Variants in EFNA5 observed in about 807,000 individuals in gnomAD.
EFNA5 encodes the protein ephrin A5, also known as ephrin-A5.
In EFNA5, 5 loss-of-function variants were observed where a neutral mutation model predicts 22.9. That is an observed-to-expected ratio of 0.22 (90% CI 0.11 to 0.46). The LOEUF (loss-of-function observed/expected upper bound fraction) is 0.46, where lower values mean the gene tolerates loss of function less well. Among genes scored for constraint, EFNA5 ranks in the 20% least tolerant of loss-of-function variants. The pLI is 0.99. For missense variants in EFNA5, 237 were observed against 293.3 expected (o/e 0.81, Z 1.40); for synonymous variants, 113 against 112.2 (o/e 1.01, Z -0.04).
intron 1 of EFNA5, among the ~76,000 whole-genome samples, chr5:107,502,117 T>C (rs1747150328): frequency 6.6e-6 from 1 of 152,218 alleles, no homozygotes; most frequent in South Asian, 2.1e-4. Context: ...TCACCCAACG[T>C]AGGGCAGAAA....
intron 1 of EFNA5, among the ~76,000 whole-genome samples, chr5:107,595,861 A>C (rs1561444490): frequency 6.6e-6 from 1 of 152,222 alleles, no homozygotes; most frequent in African/African-American, 2.4e-5. Flanking sequence ...AGGCATCTAC[A>C]TACCCAATAA....
At chr5:107,543,298 TTTCAAAGCAACTTC>T (rs755834759) in intron 1 of EFNA5, among the ~76,000 whole-genome samples, 1 of 152,202 alleles carries the variant, frequency 6.6e-6, no homozygotes, top group Non-Finnish European at 1.5e-5. Flanking sequence ...CACAAAAGAT[TTTCAAAGCAACTTC>T]TTCAAAGGCC....
In EFNA5 at chr5:107,670,679, G is replaced by A. The variant is rs1461215741; in HGVS notation, c.-66C>T. On this transcript the variant is annotated 5_prime_UTR_variant, in exon 1 of 5. Coordinates refer to ENST00000333274, the MANE Select transcript of EFNA5 (RefSeq NM_001962.3). ...GGGAGAGAGCGGGGATCCGGAGGGAGGGAGGCAGGCAAAGGGACAGAGAGA... is the reference window on the plus strand; with the variant it reads ...GGGAGAGAGCGGGGATCCGGAGGGAAGGAGGCAGGCAAAGGGACAGAGAGA... 3 of 1,564,138 alleles carry A rather than the reference G, an allele frequency of 1.9e-6. No homozygotes were observed. Among genetic ancestry groups the A allele is most frequent in the Non-Finnish European group, 2.6e-6 (3 of 1,155,840 alleles).
chr5:107,391,445 C>A (rs1643534335), intron 2 of EFNA5, among the ~76,000 whole-genome samples: 1 of 152,032 alleles, frequency 6.6e-6, no homozygotes, highest in Admixed American at 6.6e-5. Flanking sequence ...GCAACTGGGA[C>A]AGAAGACATT....
chr5:107,429,873 T>C lies in EFNA5; in HGVS notation c.126-2364A>G, dbSNP rs1748903094. ...AAAAATAATATGTATATTTCCCCTTTTAAAAATCCAAAAGGAAAATCATAT... is the reference window on the plus strand; with the variant it reads ...AAAAATAATATGTATATTTCCCCTTCTAAAAATCCAAAAGGAAAATCATAT... On this transcript the variant is annotated intron_variant, in intron 1 of 4. Transcript: ENST00000333274. Among the ~76,000 whole-genome samples the C allele has an allele frequency of 2.0e-5, 3 of 152,214 alleles. No homozygotes were observed. In the South Asian group the frequency reaches 6.2e-4, roughly 31 times the overall value.
At chr5:107,486,981 A>G (rs1380117997) in intron 1 of EFNA5, among the ~76,000 whole-genome samples, 1 of 152,142 alleles carries the variant, frequency 6.6e-6, no homozygotes, top group Non-Finnish European at 1.5e-5. Flanking sequence ...TTGCTGCTAG[A>G]GCATTCTAAG....
At chr5:107,622,407 G>T (rs7703820) in intron 1 of EFNA5, among the ~76,000 whole-genome samples, 51,361 of 152,030 alleles carry the variant, frequency 0.34, 10,154 homozygotes, top group South Asian at 0.56. Context: ...TTGAGTATGG[G>T]TATTAAAACC....
chr5:107,644,970 G>A (rs1017585180), intron 1 of EFNA5, among the ~76,000 whole-genome samples: 1 of 152,094 alleles, frequency 6.6e-6, no homozygotes, highest in Non-Finnish European at 1.5e-5. Flanking sequence ...CAAAGTGCTG[G>A]GATTACAGGC....
rs1281311346 is a variant in EFNA5 at position 107,378,832 on chromosome 5, G to T, written c.*2423C>A. 1.3e-5 allele frequency: 2 copies of T among 152,082 alleles called. No homozygotes were observed. The highest frequency in any genetic ancestry group is 2.9e-5 in the Non-Finnish European group (2 of 68,020). The allele number at this position is 152,082 out of a possible 1,614,324, so 9.4% of individuals were successfully genotyped here. On this transcript the variant is annotated 3_prime_UTR_variant, in exon 5 of 5. Coordinates refer to ENST00000333274, the MANE Select transcript of EFNA5 (RefSeq NM_001962.3). Reference sequence around the variant, plus strand: ...CCATTTCTAAAATGCATTTAGCACTGCTAACATAGTTATGACTAACTGGAA... The same window carrying T: ...CCATTTCTAAAATGCATTTAGCACTTCTAACATAGTTATGACTAACTGGAA...
At chr5:107,525,180 C>T (rs1443798348) in intron 1 of EFNA5, among the ~76,000 whole-genome samples, 1 of 152,060 alleles carries the variant, frequency 6.6e-6, no homozygotes, top group Non-Finnish European at 1.5e-5. Context: ...TTACAACTTT[C>T]AAGGATTATG....
intron 1 of EFNA5, among the ~76,000 whole-genome samples, chr5:107,659,908 T>C (rs1343589849): frequency 1.3e-5 from 2 of 151,956 alleles, no homozygotes; most frequent in Non-Finnish European, 2.9e-5. Context: ...TAATAGTCCT[T>C]TCTACATTTT....
intron 1 of EFNA5, among the ~76,000 whole-genome samples, chr5:107,641,139 C>T (rs539696189): frequency 1.3e-5 from 2 of 152,196 alleles, no homozygotes; most frequent in Non-Finnish European, 2.9e-5. Context: ...AGGTGGATTG[C>T]TTGAGGTCAG....
intron 1 of EFNA5, among the ~76,000 whole-genome samples, chr5:107,467,224 C>T (rs152576): frequency 0.018 from 2,682 of 152,182 alleles, 35 homozygotes; most frequent in Admixed American, 0.034. Context: ...ATACCTAGAC[C>T]TTTAGCAGTG....
chr5:107,643,721 G>C (rs529245815), intron 1 of EFNA5, among the ~76,000 whole-genome samples: 8 of 152,056 alleles, frequency 5.3e-5, no homozygotes, highest in Admixed American at 2.0e-4. Context: ...GACCAGAAGA[G>C]AGAAGAATTT....
At chr5:107,558,585 A>T (rs1478447351) in intron 1 of EFNA5, among the ~76,000 whole-genome samples, 1 of 152,192 alleles carries the variant, frequency 6.6e-6, no homozygotes, top group East Asian at 1.9e-4. Flanking sequence ...TTTAGATTTG[A>T]AGCCACTCAA....
chr5:107,558,265 G>GT (rs375512073), intron 1 of EFNA5, among the ~76,000 whole-genome samples: 2,046 of 147,426 alleles, frequency 0.014, 33 homozygotes, highest in African/African-American at 0.038. Flanking sequence ...AGATTATACT[G>GT]TTTTTTTTTT....
chr5:107,602,854 T>G (rs1322624596), intron 1 of EFNA5, among the ~76,000 whole-genome samples: 1 of 152,114 alleles, frequency 6.6e-6, no homozygotes, highest in East Asian at 1.9e-4. Flanking sequence ...AAAAAAATAC[T>G]AATTAGAAGA....
chr5:107,591,514 G>A (rs951389911), intron 1 of EFNA5, among the ~76,000 whole-genome samples: 1 of 151,774 alleles, frequency 6.6e-6, no homozygotes. Flanking sequence ...TTTAACCCAT[G>A]GTAGATGCTT....
At chr5:107,608,816 C>T (rs1054744913) in intron 1 of EFNA5, among the ~76,000 whole-genome samples, 15 of 152,212 alleles carry the variant, frequency 9.9e-5, no homozygotes, top group African/African-American at 3.6e-4. Context: ...GGTCCCAACG[C>T]TCGGTTTATT....
Sources: allele counts gnomAD v4.1 joint callset (sites outside exome capture counted in the v4.1 genomes callset), GRCh38; gene constraint gnomAD v4.1.1; transcripts MANE v1.5; gene names NCBI Gene and HGNC (gene_info 2026-07-23, HGNC 2026-07-21).